SEMA3C: variants seen among roughly 807,000 people sequenced by gnomAD.
SEMA3C encodes the protein semaphorin-3C.
Under a neutral mutation model 89.4 loss-of-function variants are expected in SEMA3C, and 47 were observed. The ratio of observed to expected loss-of-function variants is 0.53; its 90% confidence interval spans 0.42 to 0.67. The LOEUF (loss-of-function observed/expected upper bound fraction) is 0.67, where lower values mean the gene tolerates loss of function less well. Among genes scored for constraint, SEMA3C ranks in the 30% least tolerant of loss-of-function variants. SEMA3C has a pLI of 0.00. For synonymous variants in SEMA3C, 310 were observed against 320.2 expected (o/e 0.97, Z 0.34); for missense variants, 839 against 929.1 (o/e 0.90, Z 1.26).
At position 80,805,676 on chromosome 7, in the gene SEMA3C, C is replaced by G. The variant is rs748225370; in HGVS notation, c.621G>C (p.Ala207=). The G allele has an allele frequency of 6.2e-7, 1 of 1,611,312 alleles. No individual in the cohort carries two copies. The highest frequency in any genetic ancestry group is 8.5e-7 in the Non-Finnish European group (1 of 1,178,412). ...AIFRSLTKRN[A]VRTDQHNSKW... is the part of the protein sequence containing the mutation. ...TGGAATTATGTTGATCAGTTCTGACCGCATTCCTCTTGGTTAAACTTCGAA... is the reference window on the plus strand; with the variant it reads ...TGGAATTATGTTGATCAGTTCTGACGGCATTCCTCTTGGTTAAACTTCGAA... Residue 207 remains alanine (A), a synonymous_variant, in exon 7 of 18, where the codon GCG becomes GCC. Coordinates refer to ENST00000265361, the MANE Select transcript of SEMA3C (RefSeq NM_006379.5).
chr7:80,827,219 C>A (rs756517698), intron 4 of SEMA3C, among the ~76,000 whole-genome samples: 3 of 152,000 alleles, frequency 2.0e-5, no homozygotes, highest in Non-Finnish European at 4.4e-5. Context: ...GCAAGGCAAG[C>A]AATTTTTACC....
intron 2 of SEMA3C, among the ~76,000 whole-genome samples, chr7:80,895,065 C>A (rs1791701161): frequency 6.6e-6 from 1 of 152,186 alleles, no homozygotes; most frequent in South Asian, 2.1e-4. Flanking sequence ...CACCTGATTT[C>A]TTCCTTACTG....
intron 8 of SEMA3C, 86 bp downstream of exon 8, chr7:80,804,020 G>T: frequency 8.4e-7 from 1 of 1,187,582 alleles, no homozygotes; most frequent in Non-Finnish European, 1.2e-6. Flanking sequence ...TTATTTATTT[G>T]TAATGGTTGA....
chr7:80,749,433 C>T (rs1462283192), intron 16 of SEMA3C, among the ~76,000 whole-genome samples: 2 of 152,070 alleles, frequency 1.3e-5, no homozygotes, highest in Non-Finnish European at 2.9e-5. Context: ...CAGGCAATAC[C>T]GAAGCCAGGT....
intron 2 of SEMA3C, among the ~76,000 whole-genome samples, chr7:80,889,384 T>C (rs1791557850): frequency 6.6e-6 from 1 of 152,200 alleles, no homozygotes; most frequent in African/African-American, 2.4e-5. Flanking sequence ...TAATCATCTT[T>C]CTGCGTTATG....
intron 2 of SEMA3C, among the ~76,000 whole-genome samples, chr7:80,890,751 G>A (rs972311754): frequency 5.9e-5 from 9 of 152,094 alleles, no homozygotes; most frequent in Non-Finnish European, 1.0e-4. Flanking sequence ...TTAAAATAAC[G>A]TCCTAGCTAA....
chr7:80,831,080 C>T (rs915648874), intron 2 of SEMA3C, among the ~76,000 whole-genome samples: 1 of 152,192 alleles, frequency 6.6e-6, no homozygotes, highest in African/African-American at 2.4e-5. Context: ...TTCTGTAAAA[C>T]ACCAGGGGTA....
chr7:80,827,798 A>G (rs1789911154), intron 3 of SEMA3C, among the ~76,000 whole-genome samples: 1 of 152,176 alleles, frequency 6.6e-6, no homozygotes, highest in African/African-American at 2.4e-5. Flanking sequence ...TCCTTTTGAC[A>G]TAGTACACTT....
chr7:80,905,888 G>A (rs1436134892), intron 2 of SEMA3C: 5 of 1,289,450 alleles, frequency 3.9e-6, no homozygotes, highest in African/African-American at 3.0e-5. Context: ...ACCCACAGAT[G>A]TAGCACACAG....
chr7:80,818,455 T>G (rs775848701), intron 4 of SEMA3C, 37 bp from the exon 5 acceptor site: 2 of 1,594,848 alleles, frequency 1.3e-6, no homozygotes, highest in South Asian at 2.2e-5. Context: ...AGTAACTCAA[T>G]GACTTTCATT....
rs561645920 is a variant in SEMA3C at position 80,909,071 on chromosome 7, G to A, written c.103+7608C>T. ...ATATAATGTAATTTTACTCATAGAC[G>A]ATGTGAGTGTGTGTATGTGTGTGTG... On this transcript the variant is annotated intron_variant, in intron 2 of 17. Coordinates refer to ENST00000265361, the MANE Select transcript of SEMA3C (RefSeq NM_006379.5). Among the ~76,000 whole-genome samples the A allele has an allele frequency of 5.9e-5, 9 of 152,000 alleles. No homozygotes were observed. The East Asian group carries it at 1.2e-3, about 20-fold the overall frequency.
intron 2 of SEMA3C, among the ~76,000 whole-genome samples, chr7:80,842,667 C>G (rs1417705725): frequency 6.6e-6 from 1 of 152,048 alleles, no homozygotes; most frequent in East Asian, 1.9e-4. Context: ...CATTTTCATT[C>G]CTGAATCTCA....
intron 2 of SEMA3C, among the ~76,000 whole-genome samples, chr7:80,887,341 T>G (rs2116130743): frequency 6.6e-6 from 1 of 152,304 alleles, no homozygotes; most frequent in South Asian, 2.1e-4. Context: ...AAGCACGATT[T>G]ATTGAAACTT....
rs184628887 is a variant in SEMA3C, at chr7:80,748,286, C to T, written c.1842+612G>A. ...ACAATGTCTCCCTTATTTAAAAAAA[C>T]CCAGCTCTTTCTAATCCACGAAAAG... On this transcript the variant is annotated intron_variant, in intron 17 of 17. Coordinates refer to ENST00000265361, the MANE Select transcript of SEMA3C (RefSeq NM_006379.5). Among the ~76,000 whole-genome samples, 801 of 152,174 alleles carry T rather than the reference C, an allele frequency of 5.3e-3. 10 individuals are homozygous for T. The highest frequency in any genetic ancestry group is 0.018 in the African/African-American group (753 of 41,520).
chr7:80,918,043 C>T (rs1792319560), intron 1 of SEMA3C, among the ~76,000 whole-genome samples: 1 of 152,140 alleles, frequency 6.6e-6, no homozygotes, highest in Non-Finnish European at 1.5e-5. Flanking sequence ...GGAGGAAACT[C>T]TAGAGATGTT....
chr7:80,877,787 T>A (rs1359774552), intron 2 of SEMA3C, among the ~76,000 whole-genome samples: 3 of 152,246 alleles, frequency 2.0e-5, no homozygotes, highest in African/African-American at 7.2e-5. Context: ...TATTTTTAAT[T>A]TTTTTTTCAG....
Position 80,758,772 on chromosome 7 carries a change from A to T in SEMA3C, c.1486-284T>A, listed in dbSNP as rs115797769. On this transcript the variant is annotated intron_variant, in intron 14 of 17. Coordinates refer to ENST00000265361, the MANE Select transcript of SEMA3C (RefSeq NM_006379.5). ...GGGATTCATTGTTCTCTCAGATTGG[A>T]GCTAACATATTACAGATTTAAGTTA... 1.4e-3 allele frequency among the ~76,000 whole-genome samples: 210 copies of T among 152,324 alleles called. 2 individuals are homozygous for T. The highest frequency in any genetic ancestry group is 4.9e-3 in the African/African-American group (205 of 41,578).
At chr7:80,789,172 A>G in intron 12 of SEMA3C, 134 bp downstream of exon 12, 1 of 640,976 alleles carries the variant, frequency 1.6e-6, no homozygotes, top group East Asian at 2.7e-5. Context: ...AAGAGATTAA[A>G]TATCTCACTA....
Position 80,870,733 on chromosome 7 carries a change from C to T in SEMA3C, c.104-41988G>A, listed in dbSNP as rs141444852. Among the ~76,000 whole-genome samples the T allele has an allele frequency of 2.1e-4, 32 of 152,238 alleles. No individual in the cohort carries two copies. In the East Asian group the frequency reaches 5.6e-3, roughly 27 times the overall value. ...AAAATGAAGCATGGGGGTTTAGCACCAGAGCCCACATTCTTAACGTTTTGC... is the reference window on the plus strand; with the variant it reads ...AAAATGAAGCATGGGGGTTTAGCACTAGAGCCCACATTCTTAACGTTTTGC... On this transcript the variant is annotated intron_variant, in intron 2 of 17. Transcript: ENST00000265361.
Sources: allele counts gnomAD v4.1 joint callset (sites outside exome capture counted in the v4.1 genomes callset), GRCh38; gene constraint gnomAD v4.1.1; transcripts MANE v1.5; gene names NCBI Gene and HGNC (gene_info 2026-07-23, HGNC 2026-07-21).